CAP2: variants seen among roughly 807,000 people sequenced by gnomAD.
CAP2 encodes the protein adenylyl cyclase-associated protein 2.
A neutral mutation model predicts 57.7 loss-of-function variants in CAP2; 24 were observed. The observed-to-expected ratio is 0.42, with a 90% CI of 0.30 to 0.58. The LOEUF is 0.58. Ranked by LOEUF, CAP2 falls within the 20% of genes least tolerant of loss-of-function variation. The probability of loss-of-function intolerance (pLI) is 0.22; values close to 1 mark genes in which losing one functional copy is unlikely to be tolerated. For synonymous variants in CAP2, 194 were observed against 207.2 expected (o/e 0.94, Z 0.55); for missense variants, 501 against 590.3 (o/e 0.85, Z 1.57).
chr6:17,507,429 G>T, intron 5 of CAP2, 117 bp downstream of exon 5: 1 of 1,087,408 alleles, frequency 9.2e-7, no homozygotes, highest in Non-Finnish European at 1.4e-6. Context: ...TTCCTGGGCT[G>T]AATGCATCCA....
intron 2 of CAP2, 47 bp from the exon 3 acceptor site, chr6:17,426,543 G>T: frequency 1.4e-6 from 2 of 1,435,162 alleles, no homozygotes; most frequent in Non-Finnish European, 2.0e-6. Flanking sequence ...CTAGTCCCAG[G>T]TTTTCATTCA....
chr6:17,425,757 T>C lies in CAP2; in HGVS notation c.122-833T>C, dbSNP rs1349276066. On this transcript the variant is annotated intron_variant, in intron 2 of 12. Coordinates refer to ENST00000229922, the MANE Select transcript of CAP2 (RefSeq NM_006366.3). ...CGTCTTTACTCAGGAGGATGAAAAA[T>C]AGGAAAACAGTGTTTTCCTGAGCTG... Among the ~76,000 whole-genome samples the C allele has an allele frequency of 2.6e-5, 4 of 152,054 alleles. 1 individual carries two copies. The highest frequency in any genetic ancestry group is 2.6e-4 in the Admixed American group (4 of 15,264).
At chr6:17,543,170 G>A (rs368093992) in intron 11 of CAP2, 27 bp downstream of exon 11, 1 of 1,573,354 alleles carries the variant, frequency 6.4e-7, no homozygotes, top group Non-Finnish European at 8.7e-7. Context: ...CAACCATGCT[G>A]TAATAAGCAG....
At chr6:17,482,889 C>G (rs115637375) in intron 4 of CAP2, among the ~76,000 whole-genome samples, 227 of 152,350 alleles carry the variant, frequency 1.5e-3, no homozygotes, top group African/African-American at 4.9e-3. Flanking sequence ...GGGGACACCA[C>G]TCAGCCCGTA....
At chr6:17,465,335 A>G (rs1195283734) in intron 4 of CAP2, among the ~76,000 whole-genome samples, 1 of 152,172 alleles carries the variant, frequency 6.6e-6, no homozygotes, top group Non-Finnish European at 1.5e-5. Context: ...TATTACAGGC[A>G]TGAACCGCTG....
intron 3 of CAP2, among the ~76,000 whole-genome samples, chr6:17,444,804 C>A (rs188085945): frequency 1.5e-4 from 21 of 140,408 alleles, no homozygotes; most frequent in Admixed American, 3.6e-4. Context: ...TTCTCTCTCT[C>A]CACACACACA....
intron 1 of CAP2, among the ~76,000 whole-genome samples, chr6:17,412,822 C>T (rs988574978): frequency 2.0e-5 from 3 of 151,896 alleles, no homozygotes; most frequent in Non-Finnish European, 2.9e-5. Context: ...AATGGGATGG[C>T]GAGGAAATTG....
intron 4 of CAP2, among the ~76,000 whole-genome samples, chr6:17,472,651 T>C (rs1761050124): frequency 6.6e-6 from 1 of 152,218 alleles, no homozygotes; most frequent in Admixed American, 6.5e-5. Flanking sequence ...ACATGGTGGC[T>C]AGCATGTGAC....
chr6:17,514,374 T>C (rs959159938), intron 7 of CAP2, among the ~76,000 whole-genome samples: 3 of 150,462 alleles, frequency 2.0e-5, no homozygotes, highest in African/African-American at 7.3e-5. Context: ...AAAAAGCCCA[T>C]GTAGAAACGG....
rs371718465 is a variant in CAP2, at chr6:17,426,709, T to C, written c.222+19T>C. On this transcript the variant is annotated intron_variant, in intron 3 of 12. Transcript: ENST00000229922. ...GACCCATGTAAGTACTTTCCTCCCC[T>C]GTTCTCAGTAGAGAGTTTAAACTTA... 10 of 1,539,928 alleles carry C rather than the reference T, an allele frequency of 6.5e-6. No individual in the cohort carries two copies. The African/African-American group carries it at 1.4e-4, about 21-fold the overall frequency.
intron 7 of CAP2, among the ~76,000 whole-genome samples, chr6:17,524,683 T>A (rs958557286): frequency 2.6e-5 from 4 of 152,076 alleles, no homozygotes; most frequent in Non-Finnish European, 4.4e-5. Context: ...AAAGGGGTAG[T>A]TAGTAACTTC....
intron 4 of CAP2, among the ~76,000 whole-genome samples, chr6:17,483,776 C>T (rs1023333712): frequency 7.2e-5 from 11 of 152,090 alleles, no homozygotes; most frequent in African/African-American, 2.7e-4. Flanking sequence ...GCGTGGCTGA[C>T]AGGGGTGTTT....
At chr6:17,525,330 A>C (rs1203981634) in intron 7 of CAP2, among the ~76,000 whole-genome samples, 1 of 152,144 alleles carries the variant, frequency 6.6e-6, no homozygotes, top group Non-Finnish European at 1.5e-5. Flanking sequence ...AAAGCTCTCT[A>C]AAATAAGGGC....
chr6:17,466,974 G>GT (rs1226197979), intron 4 of CAP2, among the ~76,000 whole-genome samples: 1 of 152,068 alleles, frequency 6.6e-6, no homozygotes, highest in Non-Finnish European at 1.5e-5. Context: ...ACTTAGTGTT[G>GT]TAACAGGGCT....
intron 3 of CAP2, among the ~76,000 whole-genome samples, chr6:17,450,104 T>A (rs1852968): frequency 0.073 from 11,072 of 151,346 alleles, 1,300 homozygotes; most frequent in African/African-American, 0.25. Context: ...CAGGCTGGAG[T>A]GCAGTGGCAC....
At chr6:17,455,276 T>C (rs1179915556) in intron 3 of CAP2, among the ~76,000 whole-genome samples, 1 of 110,332 alleles carries the variant, frequency 9.1e-6, no homozygotes, top group Admixed American at 9.2e-5. Context: ...AATGCTCTAC[T>C]GGTAAGGAAA....
intron 7 of CAP2, chr6:17,536,272 T>G (rs1374790186): frequency 1.1e-5 from 5 of 456,628 alleles, no homozygotes; most frequent in Non-Finnish European, 8.8e-6. Context: ...TAAGTGACTT[T>G]GCAAGGGGCA....
chr6:17,396,864 G>A (rs1262176672), intron 1 of CAP2, among the ~76,000 whole-genome samples: 2 of 152,046 alleles, frequency 1.3e-5, no homozygotes, highest in African/African-American at 4.8e-5. Context: ...AAAACTAGGG[G>A]AAAAAGTACT....
intron 4 of CAP2, among the ~76,000 whole-genome samples, chr6:17,487,659 G>A (rs1291107693): frequency 1.3e-5 from 2 of 152,066 alleles, no homozygotes; most frequent in African/African-American, 4.8e-5. Context: ...CAGTAGAGAC[G>A]GGGGTTTCAC....
Sources: allele counts gnomAD v4.1 joint callset (sites outside exome capture counted in the v4.1 genomes callset), GRCh38; gene constraint gnomAD v4.1.1; transcripts MANE v1.5; gene names NCBI Gene and HGNC (gene_info 2026-07-23, HGNC 2026-07-21).